The following FSIP1 variants were observed in gnomAD, a reference collection of about 807,000 sequenced individuals.
FSIP1 encodes the protein fibrous sheath interacting protein 1, also known as fibrous sheath-interacting protein 1.
A neutral mutation model predicts 60.9 loss-of-function variants in FSIP1; 65 were observed. That is an observed-to-expected ratio of 1.07 (90% CI 0.87 to 1.31). The LOEUF (loss-of-function observed/expected upper bound fraction) is 1.31. Among genes scored for constraint, FSIP1 ranks in the 40% most tolerant of loss-of-function variants. The pLI is 0.00. For missense variants in FSIP1, 675 were observed against 665.5 expected (o/e 1.01, Z -0.16); for synonymous variants, 209 against 221.2 (o/e 0.94, Z 0.49).
chr15:39,609,963 T>C (rs112162904), intron 11 of FSIP1, among the ~76,000 whole-genome samples: 425 of 152,260 alleles, frequency 2.8e-3, no homozygotes, highest in African/African-American at 8.9e-3. Context: ...CATAATCAAA[T>C]GCTAAACTAA....
chr15:39,732,319 C>T (rs901011823), intron 8 of FSIP1, among the ~76,000 whole-genome samples: 3 of 152,112 alleles, frequency 2.0e-5, no homozygotes, highest in African/African-American at 7.2e-5. Flanking sequence ...AAGATTACAT[C>T]CATAAAATTA....
chr15:39,674,975 A>T (rs1184865571), intron 10 of FSIP1, among the ~76,000 whole-genome samples: 1 of 152,116 alleles, frequency 6.6e-6, no homozygotes, highest in African/African-American at 2.4e-5. Context: ...TATATAAAGA[A>T]CTTCTATAAT....
At chr15:39,733,391 A>G (rs558907985) in intron 8 of FSIP1, among the ~76,000 whole-genome samples, 1 of 152,314 alleles carries the variant, frequency 6.6e-6, no homozygotes, top group Admixed American at 6.5e-5. Context: ...GCAGAACAAC[A>G]TGGTTGAAAC....
At chr15:39,726,067 T>G (rs938465727) in intron 9 of FSIP1, among the ~76,000 whole-genome samples, 6 of 152,198 alleles carry the variant, frequency 3.9e-5, no homozygotes, top group Non-Finnish European at 7.4e-5. Flanking sequence ...GCTGGGATTA[T>G]AGGCATGAGC....
intron 10 of FSIP1, among the ~76,000 whole-genome samples, chr15:39,709,848 G>A (rs888825732): frequency 3.3e-5 from 5 of 152,152 alleles, no homozygotes; most frequent in Non-Finnish European, 7.3e-5. Flanking sequence ...GCAAGAGATG[G>A]GGAGTAGCTG....
At chr15:39,765,770 T>C (rs755481513) in intron 3 of FSIP1, 24 bp from the exon 4 acceptor site, 20 of 1,344,374 alleles carry the variant, frequency 1.5e-5, no homozygotes, top group East Asian at 2.4e-5. Context: ...AAAGTAAAAA[T>C]AGGTTTGAAG....
intron 10 of FSIP1, among the ~76,000 whole-genome samples, chr15:39,632,181 GT>G (rs1891920217): frequency 6.6e-6 from 1 of 151,884 alleles, no homozygotes; most frequent in South Asian, 2.1e-4. Flanking sequence ...GATTTTCTTT[GT>G]TGTTGTTGTT....
intron 5 of FSIP1, among the ~76,000 whole-genome samples, chr15:39,753,947 CCT>C (rs1897235400): frequency 6.6e-6 from 1 of 151,428 alleles, no homozygotes; most frequent in Non-Finnish European, 1.5e-5. Context: ...ATATATAAGA[CCT>C]ATGCATAGCT....
chr15:39,616,907 C>T (rs924998476), intron 11 of FSIP1, among the ~76,000 whole-genome samples: 10 of 152,050 alleles, frequency 6.6e-5, no homozygotes, highest in East Asian at 1.9e-4. Context: ...TGAGAGACAC[C>T]GCAGGAATAG....
chr15:39,661,663 G>T (rs968442335), intron 10 of FSIP1, among the ~76,000 whole-genome samples: 4 of 152,138 alleles, frequency 2.6e-5, no homozygotes, highest in Non-Finnish European at 4.4e-5. Context: ...CTATGGGTTT[G>T]GTTATAGATT....
intron 5 of FSIP1, among the ~76,000 whole-genome samples, chr15:39,742,566 T>G (rs1896841115): frequency 6.6e-6 from 1 of 152,196 alleles, no homozygotes; most frequent in Admixed American, 6.5e-5. Flanking sequence ...TACCCTAATG[T>G]GAGGGAATCT....
intron 10 of FSIP1, among the ~76,000 whole-genome samples, chr15:39,633,789 A>G (rs114383132): frequency 0.022 from 3,351 of 152,354 alleles, 117 homozygotes; most frequent in African/African-American, 0.076. Context: ...AAAATGTTGT[A>G]ATAGACGCTG....
At chr15:39,718,022 A>G in intron 9 of FSIP1, among the ~76,000 whole-genome samples, 1 of 151,242 alleles carries the variant, frequency 6.6e-6, no homozygotes, top group East Asian at 2.0e-4. Context: ...TTCTTCTCCC[A>G]CAATTCCAGC....
downstream of FSIP1, chr15:39,598,538 T>G (rs1478495462): frequency 6.6e-6 from 1 of 152,194 alleles, no homozygotes; most frequent in Non-Finnish European, 1.5e-5. Context: ...CATTCTTGGA[T>G]AGTGAAGCAA....
chr15:39,703,509 CCTA>C (rs1895144143), intron 10 of FSIP1, among the ~76,000 whole-genome samples: 1 of 152,002 alleles, frequency 6.6e-6, no homozygotes, highest in African/African-American at 2.4e-5. Context: ...GAAACTGAAA[CCTA>C]CTAATATATT....
At chr15:39,652,389 G>A (rs1228937048) in intron 10 of FSIP1, among the ~76,000 whole-genome samples, 2 of 152,186 alleles carry the variant, frequency 1.3e-5, no homozygotes, top group African/African-American at 4.8e-5. Context: ...GCTACATTCA[G>A]AGCAGTACTT....
intron 10 of FSIP1, among the ~76,000 whole-genome samples, chr15:39,684,995 T>A (rs966579804): frequency 6.6e-6 from 1 of 152,196 alleles, no homozygotes; most frequent in Non-Finnish European, 1.5e-5. Context: ...CAGTACTGCC[T>A]CTTCTGAGGA....
At chr15:39,713,121 A>G (rs538292216) in intron 10 of FSIP1, among the ~76,000 whole-genome samples, 2 of 152,162 alleles carry the variant, frequency 1.3e-5, no homozygotes, top group Non-Finnish European at 2.9e-5. Flanking sequence ...ATTAAGAATA[A>G]TATCAAAGTC....
intron 11 of FSIP1, among the ~76,000 whole-genome samples, chr15:39,605,683 G>A (rs1197150975): frequency 5.9e-5 from 9 of 152,240 alleles, no homozygotes; most frequent in East Asian, 1.9e-4. Context: ...CTCAGCTCCC[G>A]TGGGTGGTGG....
Sources: allele counts gnomAD v4.1 joint callset (sites outside exome capture counted in the v4.1 genomes callset), GRCh38; gene constraint gnomAD v4.1.1; transcripts MANE v1.5; gene names NCBI Gene and HGNC (gene_info 2026-07-23, HGNC 2026-07-21).